TAOK1: variants seen among roughly 807,000 people sequenced by gnomAD.
TAOK1 encodes TAO kinase 1.
TAOK1 carries 21 observed loss-of-function variants against 138.3 expected under a neutral mutation model. That is an observed-to-expected ratio of 0.15 (90% CI 0.11 to 0.22). The LOEUF is 0.22. TAOK1 is among the 10% of genes least tolerant of loss of function. The pLI is 1.00. For synonymous variants in TAOK1, 361 were observed against 398.4 expected, an observed-to-expected ratio of 0.91 and a Z score of 1.12; for missense variants, 651 against 1,227.7, an observed-to-expected ratio of 0.53 and a Z score of 7.02.
intron 8 of TAOK1, 58 bp from the exon 9 acceptor site, chr17:29,489,606 C>A: frequency 8.7e-7 from 1 of 1,148,180 alleles, no homozygotes; most frequent in South Asian, 1.6e-5. Flanking sequence ...AAAAACGTGC[C>A]CAGGACTTGA....
intron 17 of TAOK1, among the ~76,000 whole-genome samples, chr17:29,526,514 C>T (rs2032011538): frequency 6.6e-6 from 1 of 152,060 alleles, no homozygotes; most frequent in African/African-American, 2.4e-5. Context: ...CTGCCAGCTT[C>T]AAGTGATTCT....
At chr17:29,533,829 T>TGGAAAGAGAGGGAGAGGGAGACGGG (rs1278762568) in intron 18 of TAOK1, among the ~76,000 whole-genome samples, 1 of 102,310 alleles carries the variant, frequency 9.8e-6, no homozygotes, top group Non-Finnish European at 2.0e-5. Context: ...AGGGAGACCG[T>TGGAAAGAGAGGGAGAGGGAGACGGG]GGGGAGAGGG....
At chr17:29,448,164 A>G (rs1006083554) in intron 1 of TAOK1, among the ~76,000 whole-genome samples, 6 of 151,396 alleles carry the variant, frequency 4.0e-5, no homozygotes, top group Non-Finnish European at 4.4e-5. Flanking sequence ...ATTTACTCAT[A>G]TTTCCTCCCA....
chr17:29,497,757 CTA>C (rs2031442133), intron 11 of TAOK1, among the ~76,000 whole-genome samples: 1 of 147,718 alleles, frequency 6.8e-6, no homozygotes, highest in Admixed American at 6.7e-5. Flanking sequence ...AATCTAGAGA[CTA>C]TGTTTTCCAG....
Position 29,526,819 on chromosome 17 carries a change from T to TTAAAAAAAAA in TAOK1, c.2149-3588_2149-3587insTAAAAAAAAA, listed in dbSNP as rs770263137. On this transcript the variant is annotated intron_variant, in intron 17 of 19. Transcript: ENST00000261716. ...GGCAGCATAGGGAGATCTCATCTCT[T>TTAAAAAAAAA]AAAAAAAAAAAAAAAAAAAAAAAAA... 7.9e-5 allele frequency among the ~76,000 whole-genome samples: 4 copies of TTAAAAAAAAA among 50,946 alleles called. No homozygotes were observed. In the Admixed American group the frequency reaches 8.6e-4, roughly 11 times the overall value. 33.4% of individuals were successfully genotyped at this position (50,946 alleles called of 152,430 possible). A position where few individuals can be genotyped will look rare whatever the true frequency, so the allele number is the denominator to read the frequency against.
intron 17 of TAOK1, among the ~76,000 whole-genome samples, chr17:29,528,598 G>C (rs1197012730): frequency 6.6e-6 from 1 of 151,968 alleles, no homozygotes; most frequent in Non-Finnish European, 1.5e-5. Context: ...CCAGCACTTT[G>C]GGAGGCCAAG....
chr17:29,538,226 T>G (rs764230040), intron 19 of TAOK1, among the ~76,000 whole-genome samples: 5 of 152,184 alleles, frequency 3.3e-5, no homozygotes, highest in Non-Finnish European at 7.3e-5. Context: ...TATGGTGTGT[T>G]GAACAAAATT....
intron 1 of TAOK1, among the ~76,000 whole-genome samples, chr17:29,397,630 A>ATT (rs1243747809): frequency 1.4e-5 from 1 of 69,870 alleles, no homozygotes; most frequent in Admixed American, 1.4e-4. Context: ...ATATATATAT[A>ATT]CATGTATACA....
chr17:29,485,849 C>T (rs1226650417), intron 8 of TAOK1, among the ~76,000 whole-genome samples: 2 of 152,048 alleles, frequency 1.3e-5, no homozygotes, highest in Admixed American at 6.6e-5. Context: ...CTTTTTAGAC[C>T]GTTCAGTTCT....
intron 3 of TAOK1, among the ~76,000 whole-genome samples, chr17:29,468,624 T>G (rs2030740190): frequency 6.6e-6 from 1 of 151,870 alleles, no homozygotes; most frequent in Admixed American, 6.6e-5. Context: ...CTTGGCTCAC[T>G]GTAACCTCCA....
intron 1 of TAOK1, among the ~76,000 whole-genome samples, chr17:29,397,391 C>T (rs1904644933): frequency 6.6e-6 from 1 of 151,526 alleles, no homozygotes; most frequent in African/African-American, 2.4e-5. Flanking sequence ...AACACAAGGT[C>T]AGGAGTTCGA....
chr17:29,428,594 A>T (rs1468807314), intron 1 of TAOK1, among the ~76,000 whole-genome samples: 1 of 152,132 alleles, frequency 6.6e-6, no homozygotes, highest in African/African-American at 2.4e-5. Flanking sequence ...TTCAAGTATA[A>T]TTTGAGGTGG....
chr17:29,424,769 T>C (rs1905581276), intron 1 of TAOK1: 1 of 152,206 alleles, frequency 6.6e-6, no homozygotes, highest in Non-Finnish European at 1.5e-5. Flanking sequence ...TTTTTTTTAA[T>C]GGAATGTTTC....
intron 1 of TAOK1, among the ~76,000 whole-genome samples, chr17:29,403,160 CAAAAAAAAA>C (rs34253777): frequency 6.7e-5 from 4 of 60,040 alleles, no homozygotes; most frequent in East Asian, 5.4e-4. Context: ...GATTTTGTCT[CAAAAAAAAA>C]AAAAAAAAAA....
chr17:29,461,237 G>A (rs1016677571), intron 2 of TAOK1, among the ~76,000 whole-genome samples: 3 of 152,090 alleles, frequency 2.0e-5, no homozygotes, highest in African/African-American at 7.2e-5. Context: ...TGCGTACTAT[G>A]TATGCATCTG....
At chr17:29,432,163 A>G (rs1018156442) in intron 1 of TAOK1, among the ~76,000 whole-genome samples, 1 of 152,206 alleles carries the variant, frequency 6.6e-6, no homozygotes, top group African/African-American at 2.4e-5. Context: ...AGTTTTACCC[A>G]CATATTTATT....
intron 15 of TAOK1, 182 bp downstream of exon 15, chr17:29,511,174 G>A (rs544521625): frequency 7.8e-6 from 3 of 383,436 alleles, no homozygotes; most frequent in African/African-American, 4.2e-5. Flanking sequence ...ATTTAGTTGA[G>A]TAGGATTTAA....
Position 29,525,269 on chromosome 17 carries a change from C to T in TAOK1, c.2148+2750C>T, listed in dbSNP as rs984464139. 9.9e-5 allele frequency among the ~76,000 whole-genome samples: 15 copies of T among 151,988 alleles called. 1 individual carries two copies. The highest frequency in any genetic ancestry group is 7.9e-4 in the Admixed American group (12 of 15,248). ...CTGGGATTACAGGTGCACACCACCA[C>T]GCCCGGCTAATTTTTGTATTTTTAG... is the stretch of plus-strand genomic sequence containing the variant. On this transcript the variant is annotated intron_variant, in intron 17 of 19. Transcript: ENST00000261716.
chr17:29,485,779 A>G (rs971729850), intron 8 of TAOK1, among the ~76,000 whole-genome samples: 9 of 152,212 alleles, frequency 5.9e-5, no homozygotes, highest in Admixed American at 4.6e-4. Context: ...CTGTATAAGT[A>G]TATATAATTT....
Sources: gnomAD v4.1 joint callset for allele counts (sites outside exome capture counted in the v4.1 genomes callset) on GRCh38, gnomAD v4.1.1 for gene constraint, MANE v1.5 for transcripts, NCBI Gene and HGNC (gene_info 2026-07-23, HGNC 2026-07-21) for gene names.